Variants in RRBP1 observed in about 807,000 individuals in gnomAD.
RRBP1 encodes the protein ribosome binding protein 1, also known as ribosome-binding protein 1.
RRBP1 carries 94 observed loss-of-function variants against 165.2 expected under a neutral mutation model. The ratio of observed to expected loss-of-function variants is 0.57; its 90% CI spans 0.48 to 0.68. The LOEUF is 0.68. Ranked by LOEUF, RRBP1 falls within the 30% of genes least tolerant of loss-of-function variation. The probability of loss-of-function intolerance (pLI) is 0.00; values close to 1 mark genes in which losing one functional copy is unlikely to be tolerated. For missense variants in RRBP1, 1,676 were observed against 1,763.0 expected, an observed-to-expected ratio of 0.95 and a Z score of 0.88; for synonymous variants, 680 against 714.5, an observed-to-expected ratio of 0.95 and a Z score of 0.77.
intron 18 of RRBP1, 90 bp from the exon 19 acceptor site, chr20:17,619,818 G>A: frequency 1.1e-6 from 1 of 907,622 alleles, no homozygotes; most frequent in South Asian, 1.8e-5. Flanking sequence ...CCCTGGGATA[G>A]GTGAGGCCTC....
In RRBP1 at chr20:17,658,828, T is replaced by C; in HGVS notation, c.1680A>G (p.Val560=). 3.1e-6 allele frequency: 5 copies of C among 1,614,048 alleles called. No individual in the cohort carries two copies. Among genetic ancestry groups the C allele is most frequent in the Non-Finnish European group, 3.4e-6 (4 of 1,179,898 alleles). ...TTTTCCCCTGGTTTGTAATACCCTC[T>C]ACCTTTGTGCCCTGATTAGCAACCG... ...ADSVANQGTK[V]EGITNQGKKA... The change falls in exon 3 of 25, where the codon GTA becomes GTG. Residue 560 remains valine, a synonymous_variant. Coordinates refer to ENST00000377813, the MANE Select transcript of RRBP1 (RefSeq NM_001365613.2).
In RRBP1 at chr20:17,643,180, C is replaced by G; in HGVS notation, c.1913-53G>C. The G allele has an allele frequency of 1.3e-6, 2 of 1,580,544 alleles. No individual in the cohort carries two copies. The highest frequency in any genetic ancestry group is 2.3e-5 in the East Asian group (1 of 44,232). On this transcript the variant is annotated intron_variant, in intron 3 of 24. Coordinates refer to ENST00000377813, the MANE Select transcript of RRBP1 (RefSeq NM_001365613.2). This position sits in a 1 kb window ranked among gnomAD's most constrained non-coding sequence, Gnocchi z 4.3. ...ACTTAGGCCCATAAGCCACAACACA[C>G]GTGGCCACAATGCCCATCACACCAA...
chr20:17,681,727 G>T (rs375002454), intron 1 of RRBP1, among the ~76,000 whole-genome samples: 1 of 150,512 alleles, frequency 6.6e-6, no homozygotes, highest in African/African-American at 2.4e-5. Context: ...AGGGAGGCAG[G>T]GAGCGGTCGC....
At chr20:17,623,972 G>A (rs1446675162) in intron 13 of RRBP1, among the ~76,000 whole-genome samples, 1 of 151,456 alleles carries the variant, frequency 6.6e-6, no homozygotes, top group Non-Finnish European at 1.5e-5. Flanking sequence ...CCTGGGCCAT[G>A]ACTTCAGAGG....
rs1419224719 is a variant in RRBP1, at chr20:17,615,503, T to C, written c.3978A>G (p.Gln1326=). The change falls in exon 23 of 25, where the codon CAA becomes CAG. Residue 1326 remains glutamine (Q), a synonymous_variant. Coordinates refer to ENST00000377813, the MANE Select transcript of RRBP1 (RefSeq NM_001365613.2). ...EEAQTSACRL[Q]EELEKLRTAG... ...CTGTGCGGAGCTTCTCCAATTCTTC[T>C]TGTAACCGACATGCCGAGGTCTGAG... 4 of 1,606,998 alleles carry C rather than the reference T, an allele frequency of 2.5e-6. No homozygotes were observed. The Admixed American group carries it at 6.9e-5, about 28-fold the overall frequency.
At chr20:17,673,407 CTTTCTTT>C (rs1275626675) in intron 2 of RRBP1, among the ~76,000 whole-genome samples, 2 of 152,114 alleles carry the variant, frequency 1.3e-5, no homozygotes, top group Non-Finnish European at 2.9e-5. Flanking sequence ...GTCCTGAAGT[CTTTCTTT>C]TTTCTTTTTT....
chr20:17,641,894 G>C lies in RRBP1; in HGVS notation c.2087C>G (p.Ala696Gly). 5 of 1,613,974 alleles carry C rather than the reference G, an allele frequency of 3.1e-6. No individual in the cohort carries two copies. The highest frequency in any genetic ancestry group is 4.2e-6 in the Non-Finnish European group (5 of 1,179,914). ...CTCTTCCAGCTGGCGTTTCAGAATC[G>C]CCACAGGGTCACCCTTCTGAGTGGC... is the stretch of plus-strand genomic sequence containing the variant. ...HKATQKGDPV[A>G]ILKRQLEEKE... The change falls in exon 5 of 25, where the codon GCG becomes GGG. Residue 696 changes from alanine (A) to glycine (G), a missense_variant. Physicochemically the swap from Ala to Gly is moderately conservative, Grantham distance 60. This residue lies in a region of RRBP1 where 1,184 missense variants were observed against 1,167.1 expected (regional missense o/e 1.01). Transcript: ENST00000377813.
At chr20:17,657,675 C>T (rs1269321744) in intron 3 of RRBP1, among the ~76,000 whole-genome samples, 3 of 152,150 alleles carry the variant, frequency 2.0e-5, no homozygotes, top group African/African-American at 7.2e-5. Flanking sequence ...GAATGAATGA[C>T]AAACATGAAA....
intron 5 of RRBP1, among the ~76,000 whole-genome samples, chr20:17,639,425 CTCTACAAGGACAAAGAA>C (rs760501891): frequency 6.6e-6 from 1 of 152,240 alleles, no homozygotes. Flanking sequence ...ATAAAAACTT[CTCTACAAGGACAAAGAA>C]AACATGTCGA....
At chr20:17,666,809 T>C (rs1339784962) in intron 2 of RRBP1, among the ~76,000 whole-genome samples, 1 of 152,258 alleles carries the variant, frequency 6.6e-6, no homozygotes, top group Admixed American at 6.5e-5. Context: ...TCAGGTTAAG[T>C]AGCATGTCTT....
intron 8 of RRBP1, 73 bp downstream of exon 8, chr20:17,633,387 G>C: frequency 6.6e-7 from 1 of 1,519,854 alleles, no homozygotes; most frequent in Non-Finnish European, 8.9e-7. Flanking sequence ...GCCAGCCTGG[G>C]CCCATCCCCG....
intron 17 of RRBP1, 104 bp downstream of exon 17, chr20:17,620,611 C>G (rs2122256028): frequency 3.3e-6 from 3 of 917,274 alleles, no homozygotes; most frequent in Non-Finnish European, 5.2e-6. Flanking sequence ...GGAAAAGCCC[C>G]ACCGAGACAC....
At chr20:17,642,076 C>A (rs934811714) in intron 4 of RRBP1, among the ~76,000 whole-genome samples, 157 bp from the exon 5 acceptor site, 1 of 152,212 alleles carries the variant, frequency 6.6e-6, no homozygotes. Context: ...TGGGGAAAGG[C>A]GGCCCCGCCT....
At chr20:17,645,394 GAAAC>G (rs895388141) in intron 3 of RRBP1, among the ~76,000 whole-genome samples, 4 of 152,120 alleles carry the variant, frequency 2.6e-5, no homozygotes, top group Admixed American at 1.3e-4. Flanking sequence ...TGCAACACGC[GAAAC>G]AAACGCAAAG....
chr20:17,678,878 C>T (rs577858613), intron 2 of RRBP1, among the ~76,000 whole-genome samples: 73 of 152,296 alleles, frequency 4.8e-4, no homozygotes, highest in Non-Finnish European at 8.4e-4. Flanking sequence ...ACACAGGAGA[C>T]CCTCGGTGAA....
chr20:17,634,133 G>A (rs543778149), intron 7 of RRBP1, among the ~76,000 whole-genome samples: 149 of 152,334 alleles, frequency 9.8e-4, no homozygotes, highest in Middle Eastern at 3.4e-3. Context: ...GGAATGTTCC[G>A]GAGTTACAGA....
In RRBP1 at chr20:17,620,690, G is replaced by A. The variant is rs139654186; in HGVS notation, c.3507+25C>T. 967 of 1,576,352 alleles carry A rather than the reference G, an allele frequency of 6.1e-4. 2 individuals carry two copies. The African/African-American group carries it at 0.012, about 19-fold the overall frequency. ...TGGGCTTCATGTGCTCCACGGCGCC[G>A]GGAGGCAGGCAGGGCTGCATATACC... On this transcript the variant is annotated intron_variant, in intron 17 of 24. Coordinates refer to ENST00000377813, the MANE Select transcript of RRBP1 (RefSeq NM_001365613.2).
intron 23 of RRBP1, among the ~76,000 whole-genome samples, chr20:17,615,227 G>A (rs891232400): frequency 6.6e-6 from 1 of 152,202 alleles, no homozygotes; most frequent in Non-Finnish European, 1.5e-5. Flanking sequence ...CAGCCACCAG[G>A]ACTAATGGCT....
At chr20:17,640,533 T>C (rs2036333893) in intron 5 of RRBP1, among the ~76,000 whole-genome samples, 1 of 152,152 alleles carries the variant, frequency 6.6e-6, no homozygotes, top group South Asian at 2.1e-4. Flanking sequence ...GATCAGCATT[T>C]GGGAGCCCAA....
Sources: gnomAD v4.1 joint callset for allele counts (sites outside exome capture counted in the v4.1 genomes callset) on GRCh38, gnomAD v4.1.1 for gene constraint, gnomAD v4.1.1 regional missense constraint, Gnocchi (gnomAD v3.1) non-coding constraint, MANE v1.5 for transcripts, NCBI Gene and HGNC (gene_info 2026-07-23, HGNC 2026-07-21) for gene names.